The following MED13L variants were observed in gnomAD, a reference collection of about 807,000 sequenced individuals.
The protein encoded by MED13L is mediator complex subunit 13L, also known as mediator of RNA polymerase II transcription subunit 13-like.
In MED13L, 7 loss-of-function variants were observed where a neutral mutation model predicts 220.9. The ratio of observed to expected loss-of-function variants is 0.03; its 90% CI spans 0.02 to 0.06. MED13L has a LOEUF of 0.06. MED13L is among the 10% of genes least tolerant of loss of function. The pLI is 1.00. For synonymous variants in MED13L, 1,011 were observed against 1,015.2 expected, an observed-to-expected ratio of 1.00 and a Z score of 0.08; for missense variants, 1,965 against 2,760.5, an observed-to-expected ratio of 0.71 and a Z score of 6.46.
intron 4 of MED13L, among the ~76,000 whole-genome samples, chr12:116,046,041 T>C (rs1881811873): frequency 6.6e-6 from 1 of 152,116 alleles, no homozygotes; most frequent in Non-Finnish European, 1.5e-5. Context: ...AAAGCAGGCT[T>C]AGCATTTTAT....
At chr12:116,231,599 A>C (rs1869559211) in intron 2 of MED13L, among the ~76,000 whole-genome samples, 1 of 152,190 alleles carries the variant, frequency 6.6e-6, no homozygotes, top group Admixed American at 6.5e-5. Flanking sequence ...GAAAACTATA[A>C]AAGGTATTGC....
At chr12:116,014,841 T>C (rs1041532602) in intron 8 of MED13L, among the ~76,000 whole-genome samples, 1 of 152,200 alleles carries the variant, frequency 6.6e-6, no homozygotes, top group Non-Finnish European at 1.5e-5. Context: ...GTGCCAGCTG[T>C]GCTACAAAAT....
chr12:115,984,575 A>C (rs1311975955), intron 19 of MED13L, among the ~76,000 whole-genome samples: 3 of 152,114 alleles, frequency 2.0e-5, no homozygotes, highest in African/African-American at 4.8e-5. Context: ...CTGTCTCTCT[A>C]AAACTTGGAC....
intron 4 of MED13L, among the ~76,000 whole-genome samples, chr12:116,082,284 C>T (rs1187144627): frequency 2.6e-5 from 4 of 152,108 alleles, no homozygotes; most frequent in African/African-American, 7.2e-5. Context: ...AAAACTTTCA[C>T]TTTTGGGGGT....
At chr12:116,232,843 T>C (rs1234067588) in intron 2 of MED13L, among the ~76,000 whole-genome samples, 1 of 152,126 alleles carries the variant, frequency 6.6e-6, no homozygotes, top group African/African-American at 2.4e-5. Context: ...TCCCAGCACT[T>C]TGGGAGGCCG....
intron 2 of MED13L, among the ~76,000 whole-genome samples, chr12:116,162,281 C>T (rs1012558425): frequency 1.3e-5 from 2 of 152,278 alleles, no homozygotes; most frequent in African/African-American, 4.8e-5. Flanking sequence ...TCATTCCCAC[C>T]TCACAAAACC....
At chr12:116,268,978 A>G (rs548201123) in intron 1 of MED13L, among the ~76,000 whole-genome samples, 6 of 152,146 alleles carry the variant, frequency 3.9e-5, no homozygotes, top group Non-Finnish European at 7.4e-5. Flanking sequence ...TCTGGGGTAC[A>G]TGTGCAGGTT....
At chr12:116,091,498 A>C (rs1233722291) in intron 4 of MED13L, among the ~76,000 whole-genome samples, 1 of 152,214 alleles carries the variant, frequency 6.6e-6, no homozygotes. Flanking sequence ...AGAGCAAAGT[A>C]CCTGGTACAC....
In MED13L at chr12:116,152,198, C is replaced by T. The variant is rs1593105294; in HGVS notation, c.311-40686G>A. Among the ~76,000 whole-genome samples, 3 of 152,232 alleles carry T rather than the reference C, an allele frequency of 2.0e-5. 1 individual carries two copies. Among genetic ancestry groups the T allele is most frequent in the East Asian group, 3.9e-4 (2 of 5,188 alleles). ...CCAAAAGGCTGTGAAAAAGTAAATA[C>T]TCAGTAAATGCCTGCCAAATCAAAG... On this transcript the variant is annotated intron_variant, in intron 2 of 30. Coordinates refer to ENST00000281928, the MANE Select transcript of MED13L (RefSeq NM_015335.5).
chr12:116,138,750 G>C (rs2138038136), intron 2 of MED13L, among the ~76,000 whole-genome samples: 1 of 152,310 alleles, frequency 6.6e-6, no homozygotes, highest in South Asian at 2.1e-4. Context: ...TGAAATGTGT[G>C]AACACTTTAT....
chr12:116,096,578 A>T, intron 4 of MED13L, 91 bp downstream of exon 4: 2 of 923,268 alleles, frequency 2.2e-6, no homozygotes, highest in East Asian at 2.5e-5. Context: ...CTAAACTACT[A>T]ACATTATTAG....
At chr12:116,275,765 CAACTT>C (rs1197179948) in intron 1 of MED13L, among the ~76,000 whole-genome samples, 4 of 152,190 alleles carry the variant, frequency 2.6e-5, no homozygotes, top group African/African-American at 9.7e-5. Flanking sequence ...ACAGGGTACA[CAACTT>C]AAAACAAGTT....
chr12:115,982,314 G>T, intron 22 of MED13L, 70 bp downstream of exon 22: 1 of 1,446,148 alleles, frequency 6.9e-7, no homozygotes, highest in Non-Finnish European at 9.7e-7. Flanking sequence ...AAAATCATAG[G>T]CCTGTATTTA....
At chr12:115,981,420 G>C (rs1877319787) in intron 22 of MED13L, among the ~76,000 whole-genome samples, 1 of 152,152 alleles carries the variant, frequency 6.6e-6, no homozygotes. Context: ...GATAGCTTCA[G>C]TTAAAGTGAC....
At chr12:116,087,017 GAAACACCTACCTTATTTAATGCA>G (rs1247604742) in intron 4 of MED13L, among the ~76,000 whole-genome samples, 1 of 152,082 alleles carries the variant, frequency 6.6e-6, no homozygotes, top group Non-Finnish European at 1.5e-5. Flanking sequence ...ATTTATAGTA[GAAACACCTACCTTATTTAATGCA>G]AATTGTGTAT....
At chr12:116,268,166 T>C (rs1872979894) in intron 1 of MED13L, among the ~76,000 whole-genome samples, 1 of 151,758 alleles carries the variant, frequency 6.6e-6, no homozygotes, top group Non-Finnish European at 1.5e-5. Context: ...CATCTGATGA[T>C]CAGAGGTACA....
intron 2 of MED13L, among the ~76,000 whole-genome samples, chr12:116,226,175 C>T (rs866765025): frequency 6.7e-6 from 1 of 150,150 alleles, no homozygotes. Context: ...TACACTATCA[C>T]AGCACAAAAA....
chr12:116,046,639 C>T (rs1881853279), intron 4 of MED13L, among the ~76,000 whole-genome samples: 1 of 152,194 alleles, frequency 6.6e-6, no homozygotes, highest in Admixed American at 6.5e-5. Context: ...ATATTTCATT[C>T]TCACTTCTAT....
Position 116,005,866 on chromosome 12 carries a change from C to T in MED13L, c.2469+3G>A, listed in dbSNP as rs1879015707. ...TTTGTTTATGTAGCTACGGCAAACT[C>T]ACCCCAAGTTCGTCGTCATCAGAAT... On this transcript the variant is annotated splice_donor_region_variant and intron_variant, in intron 13 of 30. Transcript: ENST00000281928. The T allele has an allele frequency of 1.2e-6, 2 of 1,613,800 alleles. No homozygotes were observed. The highest frequency in any genetic ancestry group is 2.7e-5 in the African/African-American group (2 of 75,008).
Sources: allele counts gnomAD v4.1 joint callset (sites outside exome capture counted in the v4.1 genomes callset), GRCh38; gene constraint gnomAD v4.1.1; transcripts MANE v1.5; gene names NCBI Gene and HGNC (gene_info 2026-07-23, HGNC 2026-07-21).